ACKR5: variants seen among roughly 807,000 people sequenced by gnomAD.
ACKR5 encodes the protein atypical chemokine receptor 5.
At chr12:56,995,635 C>A in the ACKR5 span, 19 of 1,614,018 alleles carry the variant, frequency 1.2e-5, no homozygotes, top group Non-Finnish European at 1.4e-5. This position sits in a 1 kb window ranked among gnomAD's most constrained non-coding sequence, Gnocchi z 4.7. Flanking sequence ...GCAGCATCTT[C>A]TTCCTGGTGT....
At chr12:56,996,469 G>C in the ACKR5 span, 1 of 1,516,960 alleles carries the variant, frequency 6.6e-7, no homozygotes, top group Non-Finnish European at 8.8e-7. Flanking sequence ...AGGCACAGGT[G>C]AGAGTATAGG....
At chr12:56,995,503 G>A in the ACKR5 span, 15 of 1,614,028 alleles carry the variant, frequency 9.3e-6, no homozygotes, top group Admixed American at 6.7e-5. The surrounding 1 kb of genome is among the most constrained non-coding windows in gnomAD (Gnocchi z 4.7). Flanking sequence ...TGGCCATCGC[G>A]GACCTGGGCA....
At chr12:56,997,428 C>T in the ACKR5 span, 3 of 152,262 alleles carry the variant, frequency 2.0e-5, no homozygotes, top group Non-Finnish European at 4.4e-5. Context: ...CAGGGCAGAG[C>T]TCTGACACTG....
the ACKR5 span, chr12:56,997,143 AGAG>A: frequency 1.3e-5 from 2 of 152,358 alleles, no homozygotes; most frequent in East Asian, 3.9e-4. Flanking sequence ...CCCACAAGCA[AGAG>A]GAGTTGTCCC....
At chr12:56,996,845 T>A in the ACKR5 span, 1 of 165,382 alleles carries the variant, frequency 6.0e-6, no homozygotes, top group South Asian at 1.8e-4. Context: ...CTTTTGCGTT[T>A]GTGAGCTTGT....
chr12:56,995,430 T>A, the ACKR5 span: 1 of 1,614,194 alleles, frequency 6.2e-7, no homozygotes, highest in Middle Eastern at 1.6e-4. This position sits in a 1 kb window ranked among gnomAD's most constrained non-coding sequence, Gnocchi z 4.7. Flanking sequence ...AACCTCCTGG[T>A]GATATGCGTC....
At chr12:56,995,935 C>T in the ACKR5 span, 5 of 1,613,038 alleles carry the variant, frequency 3.1e-6, no homozygotes, top group Non-Finnish European at 4.2e-6. This position sits in a 1 kb window ranked among gnomAD's most constrained non-coding sequence, Gnocchi z 4.7. Flanking sequence ...TGCTGACAGC[C>T]TGCCGGCTGC....
At chr12:56,995,463 C>T in the ACKR5 span, 537 of 1,614,216 alleles carry the variant, frequency 3.3e-4, 3 homozygotes, top group African/African-American at 6.6e-3. This position sits in a 1 kb window ranked among gnomAD's most constrained non-coding sequence, Gnocchi z 4.7. Flanking sequence ...TCAGGCCGGG[C>T]AGGGCTGATG....
the ACKR5 span, chr12:56,995,653 T>C: frequency 6.2e-7 from 1 of 1,614,094 alleles, no homozygotes. This position sits in a 1 kb window ranked among gnomAD's most constrained non-coding sequence, Gnocchi z 4.7. Flanking sequence ...TGTGCCTCAG[T>C]GTCGACCGCT....
chr12:56,996,180 G>T, the ACKR5 span: 34 of 1,614,050 alleles, frequency 2.1e-5, no homozygotes, highest in Non-Finnish European at 2.9e-5. Context: ...AACTTTCTCA[G>T]CCCACACTTC....
At chr12:56,996,306 G>T in the ACKR5 span, 46 of 1,614,114 alleles carry the variant, frequency 2.8e-5, 1 homozygote, top group South Asian at 4.7e-4. Flanking sequence ...ATCACCAAGG[G>T]TGATAGCCAG....
chr12:56,996,102 T>C, the ACKR5 span: 2 of 1,613,746 alleles, frequency 1.2e-6, no homozygotes, highest in Non-Finnish European at 1.7e-6. Flanking sequence ...GTCCACCTGC[T>C]CTACTTCTTC....
the ACKR5 span, chr12:56,997,946 A>G: frequency 6.6e-6 from 1 of 152,250 alleles, no homozygotes; most frequent in Non-Finnish European, 1.5e-5. Context: ...AAGGGTCTTA[A>G]GCTGCAGACA....
the ACKR5 span, chr12:56,995,516 G>A: frequency 1.2e-6 from 2 of 1,614,090 alleles, no homozygotes; most frequent in East Asian, 2.2e-5. This position sits in a 1 kb window ranked among gnomAD's most constrained non-coding sequence, Gnocchi z 4.7. Context: ...CCTGGGCATT[G>A]TCCTGTCTCT....
the ACKR5 span, chr12:56,998,144 G>A: frequency 6.6e-6 from 1 of 152,236 alleles, no homozygotes; most frequent in Non-Finnish European, 1.5e-5. Flanking sequence ...TTGGGCTACA[G>A]GAGTTTCCTG....
chr12:56,995,999 G>A, the ACKR5 span: 715 of 1,610,286 alleles, frequency 4.4e-4, 7 homozygotes, highest in South Asian at 7.0e-3. This position sits in a 1 kb window ranked among gnomAD's most constrained non-coding sequence, Gnocchi z 4.7. Context: ...GTGCGCCTAC[G>A]TGGCCGTCTT....
chr12:56,996,407 C>A, the ACKR5 span: 1 of 1,583,466 alleles, frequency 6.3e-7, no homozygotes, highest in Non-Finnish European at 8.6e-7. Flanking sequence ...TCCCACTCAG[C>A]CTCTTACACC....
At chr12:56,996,052 C>T in the ACKR5 span, 1 of 1,611,656 alleles carries the variant, frequency 6.2e-7, no homozygotes, top group Admixed American at 1.7e-5. Flanking sequence ...TGCTGCTGCT[C>T]ACACTGCATG....
the ACKR5 span, chr12:56,995,174 C>T: frequency 1.3e-6 from 2 of 1,579,220 alleles, no homozygotes; most frequent in Non-Finnish European, 1.7e-6. This position sits in a 1 kb window ranked among gnomAD's most constrained non-coding sequence, Gnocchi z 4.7. Flanking sequence ...TCCCTTCCAA[C>T]CCTCCCTTCA....
Sources: gnomAD v4.1 joint callset for allele counts on GRCh38, gnomAD v4.1.1 for gene constraint, Gnocchi (gnomAD v3.1) non-coding constraint, MANE v1.5 for transcripts, NCBI Gene and HGNC (gene_info 2026-07-23, HGNC 2026-07-21) for gene names.